KMT2C: variants seen among roughly 807,000 people sequenced by gnomAD.
The protein encoded by KMT2C is lysine methyltransferase 2C, also known as histone-lysine N-methyltransferase 2C.
KMT2C carries 88 observed loss-of-function variants against 507.9 expected under a neutral mutation model. The observed-to-expected ratio is 0.17, with a 90% CI of 0.15 to 0.21. The LOEUF is 0.21. KMT2C is among the 10% of genes least tolerant of loss of function. The pLI is 1.00. For missense variants in KMT2C, 4,954 were observed against 5,957.8 expected (o/e 0.83, Z 5.55); for synonymous variants, 2,049 against 2,080.8 (o/e 0.98, Z 0.42).
At chr7:152,178,814 C>T (rs2093323454) in intron 37 of KMT2C, among the ~76,000 whole-genome samples, 2 of 152,048 alleles carry the variant, frequency 1.3e-5, no homozygotes, top group African/African-American at 4.8e-5. Flanking sequence ...AACTAAAAAG[C>T]ATATCTTAAA....
chr7:152,408,743 C>A (rs1188229679), intron 1 of KMT2C, among the ~76,000 whole-genome samples: 1 of 150,922 alleles, frequency 6.6e-6, no homozygotes, highest in Admixed American at 6.6e-5. Context: ...GTGGAAAAAA[C>A]TCTCTTCCAC....
chr7:152,290,278 ATATATATATATATATATTTTTTTTT>A (rs2096397221), intron 6 of KMT2C, among the ~76,000 whole-genome samples: 2 of 29,370 alleles, frequency 6.8e-5, no homozygotes, highest in African/African-American at 3.2e-4. Context: ...ATATATATAT[ATATATATATATATATATTTTTTTTT>A]TTTTTTTTTT....
intron 3 of KMT2C, among the ~76,000 whole-genome samples, chr7:152,321,703 A>C (rs1252970116): frequency 2.6e-5 from 4 of 151,968 alleles, no homozygotes; most frequent in African/African-American, 9.6e-5. Context: ...CTTAGGTGTA[A>C]TTTCAACCAG....
At chr7:152,324,530 CAT>C (rs1243596022) in intron 3 of KMT2C, among the ~76,000 whole-genome samples, 1 of 151,458 alleles carries the variant, frequency 6.6e-6, no homozygotes, top group Non-Finnish European at 1.5e-5. Context: ...AAAAATATAA[CAT>C]GAGAAAATTG....
At chr7:152,274,796 A>G (rs2096051704) in intron 6 of KMT2C, among the ~76,000 whole-genome samples, 1 of 152,304 alleles carries the variant, frequency 6.6e-6, no homozygotes, top group East Asian at 1.9e-4. Context: ...TTACATGATC[A>G]GTTTATCTTT....
intron 1 of KMT2C, among the ~76,000 whole-genome samples, chr7:152,381,575 T>A (rs2097374480): frequency 2.6e-5 from 4 of 152,288 alleles, no homozygotes; most frequent in African/African-American, 9.6e-5. Flanking sequence ...TTTCTACTAT[T>A]TCTGTTCTAC....
At chr7:152,297,893 G>A (rs2096530987) in intron 6 of KMT2C, among the ~76,000 whole-genome samples, 1 of 152,106 alleles carries the variant, frequency 6.6e-6, no homozygotes, top group Non-Finnish European at 1.5e-5. Flanking sequence ...TAGCAGAGGA[G>A]GACATTCAAC....
intron 1 of KMT2C, chr7:152,367,127 C>G: frequency 2.8e-6 from 3 of 1,065,078 alleles, no homozygotes; most frequent in Non-Finnish European, 2.8e-6. Flanking sequence ...AGTGTGGTCT[C>G]CTAGAAATCT....
At chr7:152,175,937 G>A (rs1407276938) in intron 38 of KMT2C, among the ~76,000 whole-genome samples, 1 of 152,136 alleles carries the variant, frequency 6.6e-6, no homozygotes, top group Admixed American at 6.5e-5. Flanking sequence ...CAGCTACTCG[G>A]GAGGCTGAGG....
intron 14 of KMT2C, among the ~76,000 whole-genome samples, chr7:152,243,387 CTGAA>C: frequency 6.6e-6 from 1 of 152,318 alleles, no homozygotes; most frequent in East Asian, 1.9e-4. Flanking sequence ...ACTTTTAAAA[CTGAA>C]AGTACTCTTC....
chr7:152,368,277 C>G lies in KMT2C; in HGVS notation c.162-9602G>C, dbSNP rs1006030408. On this transcript the variant is annotated intron_variant, in intron 1 of 58. Coordinates refer to ENST00000262189, the MANE Select transcript of KMT2C (RefSeq NM_170606.3). ...CTAATAATGTCCACTATGAGAACTACAGAAGCAGAAAACTGGCAGCTGTGA... is the reference window on the plus strand; with the variant it reads ...CTAATAATGTCCACTATGAGAACTAGAGAAGCAGAAAACTGGCAGCTGTGA... 34 of 1,070,246 alleles carry G rather than the reference C, an allele frequency of 3.2e-5. No individual in the cohort carries two copies. The African/African-American group carries it at 4.6e-4, about 15-fold the overall frequency. The allele number at this position is 1,070,246 out of a possible 1,614,324, so 66.3% of individuals were successfully genotyped here.
At chr7:152,254,149 C>T (rs985681096) in intron 9 of KMT2C, among the ~76,000 whole-genome samples, 39 of 151,982 alleles carry the variant, frequency 2.6e-4, no homozygotes, top group African/African-American at 9.2e-4. Context: ...GGCACGGTGG[C>T]ACAGAACTGT....
At chr7:152,214,839 G>A (rs1213773006) in intron 23 of KMT2C, among the ~76,000 whole-genome samples, 4 of 152,204 alleles carry the variant, frequency 2.6e-5, no homozygotes, top group Admixed American at 1.3e-4. Context: ...GTAGGTCGGA[G>A]GGTACAAATC....
At chr7:152,319,974 G>A (rs762384955) in intron 3 of KMT2C, among the ~76,000 whole-genome samples, 3 of 151,928 alleles carry the variant, frequency 2.0e-5, no homozygotes, top group Non-Finnish European at 2.9e-5. Flanking sequence ...ACATATCTGC[G>A]CAGCCTGGCA....
At chr7:152,239,926 G>C (rs2095353293) in intron 14 of KMT2C, among the ~76,000 whole-genome samples, 1 of 152,162 alleles carries the variant, frequency 6.6e-6, no homozygotes. Context: ...CCAGAAATAA[G>C]AATGTGACTA....
chr7:152,162,959 A>T lies in KMT2C; in HGVS notation c.10618T>A (p.Ser3540Thr). ...GGGGACTGCTGGAAGCTGGTCCCAG[A>T]AAGATTTCCATGTCCCTGCTTCACA... The part of the protein sequence containing the change: ...SSVKQGHGNL[S>T]GTSFQQSPVR... Residue 3540 changes from serine to threonine, a missense_variant, in exon 43 of 59, where the codon TCT becomes ACT. This residue lies in a region of KMT2C where 801 missense variants were observed against 751.2 expected (regional missense o/e 1.07). Transcript: ENST00000262189. The T allele has an allele frequency of 1.2e-6, 2 of 1,614,212 alleles. No individual in the cohort carries two copies. Among genetic ancestry groups the T allele is most frequent in the Non-Finnish European group, 1.7e-6 (2 of 1,180,044 alleles).
intron 40 of KMT2C, among the ~76,000 whole-genome samples, chr7:152,169,960 T>C (rs929339550): frequency 6.6e-6 from 1 of 152,256 alleles, no homozygotes; most frequent in African/African-American, 2.4e-5. Context: ...TCCCTGATAA[T>C]CACCTAACAA....
At chr7:152,352,815 CT>C (rs2097124395) in intron 2 of KMT2C, among the ~76,000 whole-genome samples, 2 of 152,082 alleles carry the variant, frequency 1.3e-5, no homozygotes, top group Admixed American at 1.3e-4. Flanking sequence ...AAAAATAAAA[CT>C]TTTGCCAAAG....
At chr7:152,213,032 A>T (rs2094490734) in intron 23 of KMT2C, among the ~76,000 whole-genome samples, 1 of 152,254 alleles carries the variant, frequency 6.6e-6, no homozygotes, top group African/African-American at 2.4e-5. Flanking sequence ...TGGGCAACAG[A>T]GCGTGACTCT....
Sources: allele counts gnomAD v4.1 joint callset (sites outside exome capture counted in the v4.1 genomes callset), GRCh38; gene constraint gnomAD v4.1.1; regional missense constraint gnomAD v4.1.1; transcripts MANE v1.5; gene names NCBI Gene and HGNC (gene_info 2026-07-23, HGNC 2026-07-21).